EDA2R: variants seen among roughly 807,000 people sequenced by gnomAD.
The protein encoded by EDA2R is tumor necrosis factor receptor superfamily member 27.
In EDA2R, 26 loss-of-function variants were observed where a neutral mutation model predicts 20.1. The ratio of observed to expected loss-of-function variants is 1.30; its 90% CI spans 0.95 to 1.80. The LOEUF (loss-of-function observed/expected upper bound fraction) is 1.80. Ranked by LOEUF, EDA2R falls within the 40% of genes most tolerant of loss-of-function variation. The pLI, the probability that EDA2R is intolerant of heterozygous loss-of-function variation, is 0.00. For missense variants in EDA2R, 277 were observed against 228.7 expected, an observed-to-expected ratio of 1.21 and a Z score of -1.36; for synonymous variants, 114 against 88.7, an observed-to-expected ratio of 1.29 and a Z score of -1.60.
intron 1 of EDA2R, among the ~76,000 whole-genome samples, chrX:66,625,483 C>A (rs111500770): frequency 2.0e-3 from 224 of 110,889 alleles, no homozygotes; most frequent in African/African-American, 7.1e-3. Flanking sequence ...GGAACCTCAC[C>A]CCCACCCACA....
chrX:66,626,818 G>A (rs1799653045), intron 1 of EDA2R, among the ~76,000 whole-genome samples: 1 of 70,895 alleles, frequency 1.4e-5, no homozygotes, highest in Non-Finnish European at 2.5e-5. Context: ...GGGAGAGGAG[G>A]ACAGGGGACA....
intron 2 of EDA2R, among the ~76,000 whole-genome samples, chrX:66,608,607 A>C (rs970490687): frequency 3.6e-5 from 4 of 112,102 alleles, no homozygotes; most frequent in Non-Finnish European, 5.6e-5. Context: ...TTCTTCAAAA[A>C]TAAAGGAATA....
chrX:66,622,978 G>C (rs1458962129), intron 1 of EDA2R, among the ~76,000 whole-genome samples: 1 of 112,147 alleles, frequency 8.9e-6, no homozygotes, highest in Admixed American at 9.4e-5. Flanking sequence ...CTGGAATCAA[G>C]TTCTCCATTC....
intron 2 of EDA2R, among the ~76,000 whole-genome samples, chrX:66,615,336 C>T (rs1310439584): frequency 8.9e-5 from 10 of 111,804 alleles, no homozygotes; most frequent in Admixed American, 6.6e-4. Context: ...GCCCCAGCTG[C>T]AGCCAAAATT....
At chrX:66,632,301 G>A (rs778419984) in intron 1 of EDA2R, among the ~76,000 whole-genome samples, 5 of 111,348 alleles carry the variant, frequency 4.5e-5, no homozygotes, top group African/African-American at 1.6e-4. Context: ...GTGCATGCCT[G>A]TAGTCCCAGC....
chrX:66,597,938 G>A lies in EDA2R; in HGVS notation c.*166C>T. 1 of 700,870 alleles carries A rather than the reference G, an allele frequency of 1.4e-6. No homozygotes were observed. The highest frequency in any genetic ancestry group is 1.9e-6 in the Non-Finnish European group (1 of 537,952). The allele number at this position is 700,870 out of a possible 1,213,427, so 57.8% of individuals were successfully genotyped here. A position where few individuals can be genotyped will look rare whatever the true frequency, so the allele number is the denominator to read the frequency against. ...TGCTCCAGATCAGTCCTTGTGAAAT[G>A]GAGAATCAATCCTCTGGTGGGATGG... On this transcript the variant is annotated 3_prime_UTR_variant, in exon 7 of 7. Transcript: ENST00000374719.
intron 2 of EDA2R, among the ~76,000 whole-genome samples, chrX:66,613,262 C>T (rs1031319504): frequency 1.8e-5 from 2 of 111,379 alleles, no homozygotes; most frequent in Admixed American, 1.9e-4. Context: ...TACAAATATA[C>T]TTACATTTTA....
intron 1 of EDA2R, among the ~76,000 whole-genome samples, chrX:66,626,929 A>G (rs1056010889): frequency 1.8e-5 from 2 of 110,409 alleles, no homozygotes; most frequent in African/African-American, 3.3e-5. Context: ...CTCAGCAGAA[A>G]CCCTACAAGC....
intron 2 of EDA2R, among the ~76,000 whole-genome samples, chrX:66,611,853 A>G (rs1016629502): frequency 9.0e-6 from 1 of 111,652 alleles, no homozygotes; most frequent in African/African-American, 3.2e-5. Flanking sequence ...CAAACAGAAA[A>G]AAATCCAAAG....
chrX:66,637,057 A>T (rs757332463), intron 1 of EDA2R, among the ~76,000 whole-genome samples: 2 of 111,623 alleles, frequency 1.8e-5, no homozygotes, highest in Non-Finnish European at 3.8e-5. Context: ...ACAGCAGATA[A>T]ATAGCAGACC....
chrX:66,631,527 C>T lies in EDA2R; in HGVS notation c.-11+7468G>A, dbSNP rs143519725. Among the ~76,000 whole-genome samples, 724 of 111,606 alleles carry T rather than the reference C, an allele frequency of 6.5e-3. 4 individuals carry two copies. The highest frequency in any genetic ancestry group is 0.023 in the African/African-American group (703 of 30,704). On this transcript the variant is annotated intron_variant, in intron 1 of 6. Coordinates refer to ENST00000374719, the MANE Select transcript of EDA2R (RefSeq NM_021783.5). ...AACTCTAAAATAGAGAATGGAGGTC[C>T]TCCCAGTCTTCACTGAAATTTTTTC...
intron 2 of EDA2R, among the ~76,000 whole-genome samples, chrX:66,610,196 C>T (rs1930468983): frequency 9.3e-6 from 1 of 107,041 alleles, no homozygotes; most frequent in Admixed American, 1.0e-4. Context: ...TTATGAGAAA[C>T]TAAACATATA....
At chrX:66,607,989 C>A (rs866482534) in intron 2 of EDA2R, among the ~76,000 whole-genome samples, 2 of 111,676 alleles carry the variant, frequency 1.8e-5, no homozygotes, top group African/African-American at 3.3e-5. Context: ...AATCAGGAAA[C>A]AAATGTATAA....
At chrX:66,634,613 C>T (rs1199783119) in intron 1 of EDA2R, among the ~76,000 whole-genome samples, 2 of 111,679 alleles carry the variant, frequency 1.8e-5, no homozygotes, top group Non-Finnish European at 3.8e-5. Flanking sequence ...ACCCCATTCC[C>T]TGATGATCTA....
chrX:66,626,813 A>G (rs28896911), intron 1 of EDA2R, among the ~76,000 whole-genome samples: 4,527 of 64,528 alleles, frequency 0.07, 421 homozygotes, highest in African/African-American at 0.26. Context: ...GGGAGGGGAG[A>G]GGAGGACAGG....
intron 1 of EDA2R, among the ~76,000 whole-genome samples, chrX:66,628,058 G>A (rs951206354): frequency 4.5e-5 from 5 of 111,440 alleles, no homozygotes; most frequent in African/African-American, 1.3e-4. Flanking sequence ...CAGATACATG[G>A]AAATTATATA....
chrX:66,618,661 A>C (rs2056482763), intron 1 of EDA2R, among the ~76,000 whole-genome samples: 1 of 111,970 alleles, frequency 8.9e-6, no homozygotes, highest in Non-Finnish European at 1.9e-5. Context: ...TGTGTACCTC[A>C]ACAGTGCTTA....
In EDA2R at chrX:66,602,744, C is replaced by T; in HGVS notation, c.406G>A (p.Glu136Lys). 1 of 1,197,546 alleles carries T rather than the reference C, an allele frequency of 8.4e-7. No individual in the cohort carries two copies. The highest frequency in any genetic ancestry group is 2.3e-4 in the Middle Eastern group (1 of 4,290). Residue 136 changes from glutamate (E) to lysine (K), a missense_variant, in exon 5 of 7, where the codon GAG becomes AAG. Transcript: ENST00000374719. ...CTCACCAGTGCAACAAGTGTGGCCTCCTGAGGGGGCACTGTGGGTGTATCT... is the reference window on the plus strand; with the variant it reads ...CTCACCAGTGCAACAAGTGTGGCCTTCTGAGGGGGCACTGTGGGTGTATCT... ...EADTPTVPPQ[E>K]ATLVALVSSL... is the part of the protein sequence containing the mutation.
intron 3 of EDA2R, 68 bp downstream of exon 3, chrX:66,604,980 T>C (rs1929385282): frequency 5.3e-6 from 5 of 948,106 alleles, no homozygotes; most frequent in African/African-American, 1.9e-5. Context: ...TTCTGAGAGG[T>C]GAGGATGGGA....
Sources: gnomAD v4.1 joint callset for allele counts (sites outside exome capture counted in the v4.1 genomes callset) on GRCh38, gnomAD v4.1.1 for gene constraint, MANE v1.5 for transcripts, NCBI Gene and HGNC (gene_info 2026-07-23, HGNC 2026-07-21) for gene names.